RNLS: variants seen among roughly 807,000 people sequenced by gnomAD.
RNLS encodes the protein renalase.
A neutral mutation model predicts 39.8 loss-of-function variants in RNLS; 39 were observed. That is an observed-to-expected ratio of 0.98 (90% CI 0.76 to 1.28). RNLS has a LOEUF of 1.28. Among genes scored for constraint, RNLS ranks in the 50% most tolerant of loss-of-function variants. The probability of loss-of-function intolerance (pLI) is 0.00; values close to 1 mark genes in which losing one functional copy is unlikely to be tolerated. For missense variants in RNLS, 410 were observed against 413.3 expected, an observed-to-expected ratio of 0.99 and a Z score of 0.07; for synonymous variants, 147 against 150.7, an observed-to-expected ratio of 0.98 and a Z score of 0.18.
the RNLS span, among the ~76,000 whole-genome samples, chr10:88,189,723 T>C: frequency 6.6e-6 from 1 of 152,240 alleles, no homozygotes; most frequent in African/African-American, 2.4e-5. Flanking sequence ...ACAGAAGTTT[T>C]AGCATTTAAA....
At chr10:88,523,489 CACTTCCTTTCTCCTTTAGG>C (rs1454022002) in intron 4 of RNLS, among the ~76,000 whole-genome samples, 12 of 152,132 alleles carry the variant, frequency 7.9e-5, no homozygotes, top group African/African-American at 2.9e-4. Flanking sequence ...TATTCCACTT[CACTTCCTTTCTCCTTTAGG>C]AGCAAGGGAT....
chr10:88,273,384 G>A (rs935222871), downstream of RNLS, among the ~76,000 whole-genome samples: 1 of 152,164 alleles, frequency 6.6e-6, no homozygotes, highest in African/African-American at 2.4e-5. Flanking sequence ...ATAAATGCAT[G>A]TTATACTCAC....
At chr10:88,486,836 T>G (rs954594311) in intron 4 of RNLS, among the ~76,000 whole-genome samples, 1 of 152,136 alleles carries the variant, frequency 6.6e-6, no homozygotes, top group Admixed American at 6.6e-5. Context: ...AGAAATATCA[T>G]TCAACCCAGC....
intron 6 of RNLS, among the ~76,000 whole-genome samples, chr10:88,312,602 A>G (rs1028820740): frequency 6.6e-6 from 1 of 152,186 alleles, no homozygotes; most frequent in Non-Finnish European, 1.5e-5. Context: ...GGATTGAAGG[A>G]AGTTATTTCA....
At chr10:88,276,046 A>G (rs2132589208) in intron 6 of RNLS, among the ~76,000 whole-genome samples, 1 of 152,238 alleles carries the variant, frequency 6.6e-6, no homozygotes, top group East Asian at 1.9e-4. Flanking sequence ...AGAGCAAGAC[A>G]CTGTCTCTAA....
At chr10:88,545,434 G>T (rs1434760007) in intron 4 of RNLS, 4 of 456,124 alleles carry the variant, frequency 8.8e-6, no homozygotes, top group Non-Finnish European at 1.8e-5. Context: ...GGAAGACAAA[G>T]AAAGAGCAAA....
chr10:88,213,548 TC>T, the RNLS span, among the ~76,000 whole-genome samples: 2 of 152,106 alleles, frequency 1.3e-5, no homozygotes, highest in African/African-American at 4.8e-5. Context: ...ATCTGTCTCC[TC>T]AGCCAGTTTC....
At chr10:88,413,645 T>A (rs1039207982) in intron 4 of RNLS, among the ~76,000 whole-genome samples, 2 of 152,216 alleles carry the variant, frequency 1.3e-5, no homozygotes, top group African/African-American at 4.8e-5. Flanking sequence ...ATGGGGGTTG[T>A]ATTTTCCACT....
At chr10:88,286,199 A>G (rs1843255670) in intron 6 of RNLS, among the ~76,000 whole-genome samples, 1 of 152,094 alleles carries the variant, frequency 6.6e-6, no homozygotes, top group Non-Finnish European at 1.5e-5. Context: ...TCTTCCTCAC[A>G]TATTTCCTGA....
At chr10:88,525,477 T>G (rs1262944072) in intron 4 of RNLS, among the ~76,000 whole-genome samples, 1 of 152,090 alleles carries the variant, frequency 6.6e-6, no homozygotes, top group Non-Finnish European at 1.5e-5. Context: ...TTATTTATTT[T>G]TGTTAATATG....
At chr10:88,388,572 C>G (rs529130899) in intron 4 of RNLS, among the ~76,000 whole-genome samples, 1 of 152,246 alleles carries the variant, frequency 6.6e-6, no homozygotes, top group South Asian at 2.1e-4. Flanking sequence ...TTTTGCTGGT[C>G]CCTGTCTCCA....
intron 4 of RNLS, among the ~76,000 whole-genome samples, chr10:88,381,705 T>TA (rs1564751047): frequency 6.6e-6 from 1 of 151,972 alleles, no homozygotes; most frequent in African/African-American, 2.4e-5. Flanking sequence ...ACAAATTATA[T>TA]ATCACTTAAA....
At chr10:88,270,770 G>A (rs1373549090), downstream of RNLS, among the ~76,000 whole-genome samples, 1 of 152,056 alleles carries the variant, frequency 6.6e-6, no homozygotes, top group African/African-American at 2.4e-5. Context: ...GTTCACCACC[G>A]GACAAGAGAT....
chr10:88,397,690 T>C (rs1731389182), intron 4 of RNLS, among the ~76,000 whole-genome samples: 1 of 152,000 alleles, frequency 6.6e-6, no homozygotes, highest in Non-Finnish European at 1.5e-5. Context: ...ACACAATCGC[T>C]ATAAAATCCC....
chr10:88,530,307 T>G (rs540815302), intron 4 of RNLS, among the ~76,000 whole-genome samples: 1 of 152,334 alleles, frequency 6.6e-6, no homozygotes, highest in African/African-American at 2.4e-5. Flanking sequence ...TGTTTCTAAA[T>G]GGTGACTTTG....
chr10:88,442,685 G>A (rs1409259034), intron 4 of RNLS, among the ~76,000 whole-genome samples: 1 of 152,002 alleles, frequency 6.6e-6, no homozygotes, highest in Non-Finnish European at 1.5e-5. Flanking sequence ...ACTTGCCCCT[G>A]AGGATTCTTT....
At chr10:88,237,721 C>T in the RNLS span, among the ~76,000 whole-genome samples, 1 of 152,128 alleles carries the variant, frequency 6.6e-6, no homozygotes, top group East Asian at 1.9e-4. Flanking sequence ...GGCTGTATTT[C>T]TATTACCTAT....
chr10:88,413,071 T>C (rs899559596), intron 4 of RNLS, among the ~76,000 whole-genome samples: 8 of 152,118 alleles, frequency 5.3e-5, no homozygotes, highest in African/African-American at 1.9e-4. Context: ...AACAGGAAAA[T>C]ATGAAGTCAG....
chr10:88,447,790 G>A (rs7919420), intron 4 of RNLS, among the ~76,000 whole-genome samples: 50,091 of 152,038 alleles, frequency 0.33, 9,739 homozygotes, highest in African/African-American at 0.54. Context: ...AAACAGCAGG[G>A]TACTGGTACC....
Sources: allele counts gnomAD v4.1 joint callset (sites outside exome capture counted in the v4.1 genomes callset), GRCh38; gene constraint gnomAD v4.1.1; transcripts MANE v1.5; gene names NCBI Gene and HGNC (gene_info 2026-07-23, HGNC 2026-07-21).